Variants in KLRG1 observed in about 807,000 individuals in gnomAD.
KLRG1 encodes the protein killer cell lectin-like receptor subfamily G member 1.
KLRG1 carries 16 observed loss-of-function variants against 21.8 expected under a neutral mutation model. That is an observed-to-expected ratio of 0.73 (90% CI 0.50 to 1.11). The LOEUF (loss-of-function observed/expected upper bound fraction) is 1.11, where lower values mean the gene tolerates loss of function less well. Among genes scored for constraint, KLRG1 ranks in the 50% most tolerant of loss-of-function variants. KLRG1 has a pLI of 0.00. For missense variants in KLRG1, 173 were observed against 218.3 expected (o/e 0.79, Z 1.31); for synonymous variants, 69 against 75.9 (o/e 0.91, Z 0.47).
At chr12:9,082,621 T>C in the KLRG1 span, among the ~76,000 whole-genome samples, 84,212 of 152,040 alleles carry the variant, frequency 0.55, 24,979 homozygotes, top group African/African-American at 0.76. Context: ...AATGCACAAA[T>C]AATGCAAGGA....
the KLRG1 span, among the ~76,000 whole-genome samples, chr12:9,149,793 G>A: frequency 6.6e-6 from 1 of 152,170 alleles, no homozygotes; most frequent in African/African-American, 2.4e-5. Flanking sequence ...ACTGGAGATG[G>A]GGACTGAAGC....
chr12:9,069,889 A>T, the KLRG1 span: 1 of 1,243,778 alleles, frequency 8.0e-7, no homozygotes, highest in African/African-American at 1.5e-5. Context: ...AAATCTTTGT[A>T]TTGCCAAAAT....
intron 3 of KLRG1, among the ~76,000 whole-genome samples, chr12:9,007,695 TA>T (rs1947513173): frequency 6.6e-6 from 1 of 152,176 alleles, no homozygotes; most frequent in African/African-American, 2.4e-5. Context: ...AGGAGTGGAA[TA>T]AAAACAACAT....
At chr12:9,090,525 C>T in the KLRG1 span, 16 of 1,601,230 alleles carry the variant, frequency 1.0e-5, no homozygotes, top group Non-Finnish European at 1.4e-5. Context: ...GGAAGGAGAA[C>T]AGAGGGAGAA....
chr12:8,985,236 C>T (rs1271369744), upstream of KLRG1, among the ~76,000 whole-genome samples: 1 of 147,076 alleles, frequency 6.8e-6, no homozygotes, highest in Non-Finnish European at 1.5e-5. Flanking sequence ...TAGAGTACCA[C>T]TCAATTTAGA....
intron 2 of KLRG1, among the ~76,000 whole-genome samples, chr12:8,993,213 T>A (rs1395911038): frequency 2.6e-5 from 4 of 151,966 alleles, no homozygotes. Flanking sequence ...CAGTCTAGAG[T>A]CCTAGCTTAG....
upstream of KLRG1, among the ~76,000 whole-genome samples, chr12:8,989,314 C>A (rs1443459428): frequency 6.6e-6 from 1 of 152,198 alleles, no homozygotes; most frequent in African/African-American, 2.4e-5. Context: ...ACCACTCTCA[C>A]TTTTATTTTA....
At chr12:9,013,599 G>A (rs1947660627), downstream of KLRG1, among the ~76,000 whole-genome samples, 1 of 152,158 alleles carries the variant, frequency 6.6e-6, no homozygotes, top group Non-Finnish European at 1.5e-5. Flanking sequence ...AATTATGGTA[G>A]AAGGTGAAAG....
chr12:9,192,701 T>A, the KLRG1 span: 2 of 1,613,456 alleles, frequency 1.2e-6, no homozygotes, highest in Non-Finnish European at 1.7e-6. Context: ...CTGCTACCCA[T>A]GAATAGTGAA....
At chr12:9,194,321 A>G in the KLRG1 span, 23 of 1,343,720 alleles carry the variant, frequency 1.7e-5, no homozygotes, top group East Asian at 9.4e-5. Flanking sequence ...TTTTGCTGCT[A>G]TAACTAAAAC....
At chr12:9,164,179 T>C in the KLRG1 span, 1 of 1,610,476 alleles carries the variant, frequency 6.2e-7, no homozygotes, top group African/African-American at 1.3e-5. Flanking sequence ...GTCTCTCATT[T>C]CCACAGATAC....
chr12:9,195,611 A>ATTTTTTTTTT, the KLRG1 span, among the ~76,000 whole-genome samples: 3 of 104,248 alleles, frequency 2.9e-5, no homozygotes, highest in Non-Finnish European at 3.8e-5. Context: ...CCCACTGCTA[A>ATTTTTTTTTT]TTTTTTTTTT....
chr12:9,110,286 T>C, the KLRG1 span: 1 of 1,452,920 alleles, frequency 6.9e-7, no homozygotes, highest in Non-Finnish European at 9.4e-7. Flanking sequence ...TGCTTTCCTT[T>C]TAATATGGAA....
chr12:9,109,894 C>A, the KLRG1 span: 21 of 1,611,042 alleles, frequency 1.3e-5, 1 homozygote, highest in Non-Finnish European at 1.8e-5. Context: ...AAAGGGTGCT[C>A]TGTCCTTCCA....
At chr12:9,058,653 G>A in the KLRG1 span, 14 of 152,590 alleles carry the variant, frequency 9.2e-5, no homozygotes, top group Admixed American at 8.5e-4. Flanking sequence ...TGAGGAATGA[G>A]GATGTAAAAT....
the KLRG1 span, chr12:9,166,255 G>A: frequency 1.3e-6 from 2 of 1,571,084 alleles, no homozygotes; most frequent in Non-Finnish European, 1.7e-6. Flanking sequence ...TAATTTCATG[G>A]TGCACATGTG....
the KLRG1 span, among the ~76,000 whole-genome samples, chr12:9,027,220 G>A: frequency 1.3e-5 from 2 of 149,892 alleles, no homozygotes; most frequent in Admixed American, 6.6e-5. Context: ...TCAGCCTCAC[G>A]ATCAGACTAT....
chr12:9,025,696 G>GT, the KLRG1 span, among the ~76,000 whole-genome samples: 1 of 152,194 alleles, frequency 6.6e-6, no homozygotes, highest in South Asian at 2.1e-4. Context: ...AGATTCTTGA[G>GT]TCAGTGGATG....
the KLRG1 span, among the ~76,000 whole-genome samples, chr12:9,189,831 G>A: frequency 6.6e-6 from 1 of 152,098 alleles, no homozygotes; most frequent in African/African-American, 2.4e-5. Context: ...AGTGGGCAAA[G>A]GACAGGAATA....
Sources: gnomAD v4.1 joint callset for allele counts (sites outside exome capture counted in the v4.1 genomes callset) on GRCh38, gnomAD v4.1.1 for gene constraint, MANE v1.5 for transcripts, NCBI Gene and HGNC (gene_info 2026-07-23, HGNC 2026-07-21) for gene names.